Variants in FLRT2 observed in about 807,000 individuals in gnomAD.
The protein encoded by FLRT2 is leucine-rich repeat transmembrane protein FLRT2.
A neutral mutation model predicts 40.0 loss-of-function variants in FLRT2; 15 were observed. That is an observed-to-expected ratio of 0.38 (90% confidence interval 0.25 to 0.58). FLRT2 has a LOEUF of 0.58. Among genes scored for constraint, FLRT2 ranks in the 20% least tolerant of loss-of-function variants. FLRT2 has a pLI of 0.71. For missense variants in FLRT2, 726 were observed against 840.0 expected (o/e 0.86, Z 1.68); for synonymous variants, 380 against 336.8 (o/e 1.13, Z -1.41).
At chr14:85,590,413 A>G (rs1453541376) in intron 1 of FLRT2, among the ~76,000 whole-genome samples, 1 of 152,006 alleles carries the variant, frequency 6.6e-6, no homozygotes, top group African/African-American at 2.4e-5. Context: ...AAAGCAAATC[A>G]CTAATGTCTG....
intron 1 of FLRT2, among the ~76,000 whole-genome samples, chr14:85,588,716 T>A (rs955994822): frequency 6.6e-6 from 1 of 152,172 alleles, no homozygotes; most frequent in Non-Finnish European, 1.5e-5. Flanking sequence ...TATTTGTTCC[T>A]TTTATTTTTT....
chr14:85,566,207 C>T (rs189301225), intron 1 of FLRT2, among the ~76,000 whole-genome samples: 2 of 152,196 alleles, frequency 1.3e-5, no homozygotes, highest in Admixed American at 1.3e-4. Context: ...ACAGATTCTA[C>T]CTGGTTAGAG....
chr14:85,537,798 T>G (rs971708082), intron 1 of FLRT2, among the ~76,000 whole-genome samples: 1 of 151,998 alleles, frequency 6.6e-6, no homozygotes, highest in African/African-American at 2.4e-5. Context: ...AAATAATCAG[T>G]GGTATTTTGA....
chr14:85,588,954 T>C (rs1891763310), intron 1 of FLRT2, among the ~76,000 whole-genome samples: 1 of 152,226 alleles, frequency 6.6e-6, no homozygotes, highest in African/African-American at 2.4e-5. Flanking sequence ...TAGGATCTCA[T>C]TCTTTTTTGT....
intron 1 of FLRT2, among the ~76,000 whole-genome samples, chr14:85,540,995 T>A (rs1026657091): frequency 6.6e-6 from 1 of 152,164 alleles, no homozygotes; most frequent in African/African-American, 2.4e-5. Context: ...CAAATATAAG[T>A]CTTATGTACT....
chr14:85,574,194 G>T (rs909591286), intron 1 of FLRT2, among the ~76,000 whole-genome samples: 4 of 151,502 alleles, frequency 2.6e-5, no homozygotes, highest in Non-Finnish European at 4.4e-5. Flanking sequence ...TGTTATTAGG[G>T]TTGATAGTTT....
chr14:85,616,334 A>AG (rs397800976), intron 1 of FLRT2, among the ~76,000 whole-genome samples: 1 of 150,766 alleles, frequency 6.6e-6, no homozygotes, highest in Non-Finnish European at 1.5e-5. Flanking sequence ...AAAAAAAAAA[A>AG]CCCTTTTCCT....
rs1893575541 is a variant in FLRT2, at chr14:85,624,424, T to C, written c.*927T>C. The C allele has an allele frequency of 6.0e-6, 1 of 167,074 alleles. No homozygotes were observed. Among genetic ancestry groups the C allele is most frequent in the Non-Finnish European group, 1.5e-5 (1 of 68,108 alleles). The allele number at this position is 167,074 out of a possible 1,614,324, so 10.3% of individuals were successfully genotyped here. ...AATTATTTTTGATAATGAGAATTAT[T>C]TGGGTAGATTCACTGAGGCTATGTC... On this transcript the variant is annotated 3_prime_UTR_variant, in exon 2 of 2. Coordinates refer to ENST00000330753, the MANE Select transcript of FLRT2 (RefSeq NM_013231.6).
intron 1 of FLRT2, among the ~76,000 whole-genome samples, chr14:85,599,212 G>C (rs1478105723): frequency 2.5e-5 from 3 of 118,454 alleles, no homozygotes; most frequent in Non-Finnish European, 5.0e-5. Context: ...GAGCCGCTGC[G>C]CCTGGCCTTT....
intron 1 of FLRT2, among the ~76,000 whole-genome samples, chr14:85,574,477 G>A (rs1271886019): frequency 1.3e-5 from 2 of 152,114 alleles, no homozygotes; most frequent in Non-Finnish European, 2.9e-5. Context: ...AAAGGACCTT[G>A]AGACAGAGGG....
rs1231780018 is a variant in FLRT2, at chr14:85,633,268, G to A, written c.*9771G>A. ...GGGAAAAAAATTGGGAAGATGAGGT[G>A]CCATGGGATAACACACAACCATGGC... On this transcript the variant is annotated 3_prime_UTR_variant, in exon 2 of 2. Coordinates refer to ENST00000330753, the MANE Select transcript of FLRT2 (RefSeq NM_013231.6). 1 of 152,116 alleles carries A rather than the reference G, an allele frequency of 6.6e-6. No individual in the cohort carries two copies. Among genetic ancestry groups the A allele is most frequent in the Admixed American group, 6.5e-5 (1 of 15,278 alleles). 9.4% of individuals were successfully genotyped at this position (152,116 alleles called of 1,614,324 possible).
chr14:85,604,084 TC>T (rs1277096731), intron 1 of FLRT2, among the ~76,000 whole-genome samples: 1 of 152,104 alleles, frequency 6.6e-6, no homozygotes, highest in Non-Finnish European at 1.5e-5. Context: ...CCTAAATCTA[TC>T]CCAACCTGTC....
Position 85,623,208 on chromosome 14 carries a change from A to T in FLRT2, c.1694A>T (p.His565Leu), listed in dbSNP as rs770441642. 20 of 1,537,456 alleles carry T rather than the reference A, an allele frequency of 1.3e-5. No homozygotes were observed. In the South Asian group the frequency reaches 2.6e-4, roughly 20 times the overall value. ...GTCTTGCTCAGCGTCTTTTGCTGGC[A>T]TATGCACAAAAAGGGGCGCTACACC... ...LVVLLSVFCW[H>L]MHKKGRYTSQ... Residue 565 changes from histidine to leucine, a missense_variant, in exon 2 of 2, where the codon CAT (histidine) becomes CTT (leucine). Transcript: ENST00000330753.
Position 85,647,774 on chromosome 14 carries a change from C to T in FLRT2, c.*24277C>T, listed in dbSNP as rs1310726956. The T allele has an allele frequency of 6.6e-6, 1 of 152,124 alleles. No individual in the cohort carries two copies. 9.4% of individuals were successfully genotyped at this position (152,124 alleles called of 1,614,324 possible). On this transcript the variant is annotated 3_prime_UTR_variant, in exon 2 of 2. Coordinates refer to ENST00000330753, the MANE Select transcript of FLRT2 (RefSeq NM_013231.6). ...GACAACTATCGCAACCACATACAGG[C>T]AGAACCACTAAGAGTAAAAACCCCT... is the stretch of plus-strand genomic sequence containing the variant.
rs1361960959 is a variant in FLRT2, at chr14:85,555,667, C to A, written c.-377+25133C>A. 2.9e-5 allele frequency among the ~76,000 whole-genome samples: 4 copies of A among 137,038 alleles called. No individual in the cohort carries two copies. The East Asian group carries it at 6.4e-4, about 22-fold the overall frequency. 89.9% of individuals were successfully genotyped at this position (137,038 alleles called of 152,430 possible). ...AGCCTAACCGTATCAAGCAGTTTAA[C>A]TATTTCTCTCTTATCTGAAATCTAT... On this transcript the variant is annotated intron_variant, in intron 1 of 1. Transcript: ENST00000330753.
chr14:85,547,693 T>A (rs1167276043), intron 1 of FLRT2, among the ~76,000 whole-genome samples: 1 of 152,154 alleles, frequency 6.6e-6, no homozygotes, highest in African/African-American at 2.4e-5. Context: ...AGGTCTCAAG[T>A]AATTTAGAAA....
In FLRT2 at chr14:85,652,359, C is replaced by A. The variant is rs1309134055; in HGVS notation, c.*28862C>A. ...GGGGAAAGACTTCTATTTCTTATGA[C>A]ATGCTTCCTTTTCATTGAGGAATAC... On this transcript the variant is annotated 3_prime_UTR_variant, in exon 2 of 2. Coordinates refer to ENST00000330753, the MANE Select transcript of FLRT2 (RefSeq NM_013231.6). The A allele has an allele frequency of 6.6e-6, 1 of 152,058 alleles. No individual in the cohort carries two copies. The highest frequency in any genetic ancestry group is 1.5e-5 in the Non-Finnish European group (1 of 67,972). 9.4% of individuals were successfully genotyped at this position (152,058 alleles called of 1,614,324 possible).
At chr14:85,596,099 C>T (rs1892127218) in intron 1 of FLRT2, among the ~76,000 whole-genome samples, 1 of 152,134 alleles carries the variant, frequency 6.6e-6, no homozygotes, top group African/African-American at 2.4e-5. Context: ...CAGGAAGAGC[C>T]TTTTAAAATA....
intron 1 of FLRT2, among the ~76,000 whole-genome samples, chr14:85,573,327 T>A (rs151242785): frequency 7.2e-5 from 11 of 152,014 alleles, no homozygotes; most frequent in South Asian, 4.2e-4. Flanking sequence ...TCTCTCTCTC[T>A]CACATACACA....
Sources: gnomAD v4.1 joint callset for allele counts (sites outside exome capture counted in the v4.1 genomes callset) on GRCh38, gnomAD v4.1.1 for gene constraint, MANE v1.5 for transcripts, NCBI Gene and HGNC (gene_info 2026-07-23, HGNC 2026-07-21) for gene names.